DSCAML1: variants seen among roughly 807,000 people sequenced by gnomAD.
DSCAML1 encodes cell adhesion molecule DSCAML1.
A neutral mutation model predicts 200.5 loss-of-function variants in DSCAML1; 38 were observed. The ratio of observed to expected loss-of-function variants is 0.19; its 90% confidence interval spans 0.15 to 0.25. The LOEUF (loss-of-function observed/expected upper bound fraction) is 0.25, where lower values mean the gene tolerates loss of function less well. Among genes scored for constraint, DSCAML1 ranks in the 10% least tolerant of loss-of-function variants. The pLI is 1.00. For missense variants in DSCAML1, 2,223 were observed against 2,858.8 expected (o/e 0.78, Z 5.07); for synonymous variants, 1,215 against 1,165.0 (o/e 1.04, Z -0.87).
Position 117,767,597 on chromosome 11 carries a change from A to G in DSCAML1, c.511+9194T>C, listed in dbSNP as rs1227228454. ...CGAGGCTTCCTTTCTCACCAAAGCA[A>G]ACAACAAACAAACAACAGCCAAATT... is the stretch of plus-strand genomic sequence containing the variant. On this transcript the variant is annotated intron_variant, in intron 3 of 32. Transcript: ENST00000651296. Among the ~76,000 whole-genome samples, 11 of 152,184 alleles carry G rather than the reference A, an allele frequency of 7.2e-5. No individual in the cohort carries two copies. In the East Asian group the frequency reaches 2.1e-3, roughly 29 times the overall value.
intron 3 of DSCAML1, among the ~76,000 whole-genome samples, chr11:117,618,554 C>T (rs1391370126): frequency 6.6e-6 from 1 of 152,142 alleles, no homozygotes; most frequent in Non-Finnish European, 1.5e-5. Context: ...TCCAAGCCAG[C>T]TTCAGAAACC....
At chr11:117,512,777 A>ACACACACACACACACACACACACC (rs1290183115) in intron 8 of DSCAML1, among the ~76,000 whole-genome samples, 25 of 148,064 alleles carry the variant, frequency 1.7e-4, no homozygotes, top group African/African-American at 6.0e-4. Flanking sequence ...ACACACACAC[A>ACACACACACACACACACACACACC]CACACACACA....
chr11:117,653,027 G>A (rs2052664172), intron 3 of DSCAML1, among the ~76,000 whole-genome samples: 1 of 152,156 alleles, frequency 6.6e-6, no homozygotes, highest in South Asian at 2.1e-4. Flanking sequence ...GATGAACTAC[G>A]ATCCTGGCAT....
In DSCAML1 at chr11:117,582,890, G is replaced by A. The variant is rs139795570; in HGVS notation, c.512-50368C>T. Among the ~76,000 whole-genome samples, 624 of 152,326 alleles carry A rather than the reference G, an allele frequency of 4.1e-3. 1 individual carries two copies. Among genetic ancestry groups the A allele is most frequent in the African/African-American group, 0.014 (582 of 41,558 alleles). On this transcript the variant is annotated intron_variant, in intron 3 of 32. Transcript: ENST00000651296. ...GAATGATTTCAGTATTGATTTCCAA[G>A]AGGGAAAGAGGACAAAAGAATGCTA...
intron 3 of DSCAML1, among the ~76,000 whole-genome samples, chr11:117,714,138 A>G (rs1478248270): frequency 6.6e-6 from 1 of 152,202 alleles, no homozygotes; most frequent in Non-Finnish European, 1.5e-5. Flanking sequence ...GAGTTAATGC[A>G]TCTAAGTTGC....
At chr11:117,693,496 C>T (rs970947125) in intron 3 of DSCAML1, among the ~76,000 whole-genome samples, 1 of 152,008 alleles carries the variant, frequency 6.6e-6, no homozygotes, top group Non-Finnish European at 1.5e-5. Flanking sequence ...AGCCCTGCAC[C>T]CCCCCATTTG....
rs193110230 is a variant in DSCAML1, at chr11:117,768,961, A to G, written c.511+7830T>C. 5.9e-3 allele frequency among the ~76,000 whole-genome samples: 891 copies of G among 150,338 alleles called. 5 individuals are homozygous for G. The highest frequency in any genetic ancestry group is 0.017 in the African/African-American group (685 of 40,878). ...CGTGGTGGTGTGTGCCTGTAATCCC[A>G]GATAGTCAGGAGGCTGAGACAAGAG... On this transcript the variant is annotated intron_variant, in intron 3 of 32. Coordinates refer to ENST00000651296, the MANE Select transcript of DSCAML1 (RefSeq NM_020693.4).
At chr11:117,651,549 CA>C (rs1294743366) in intron 3 of DSCAML1, among the ~76,000 whole-genome samples, 301 of 139,296 alleles carry the variant, frequency 2.2e-3, no homozygotes, top group Middle Eastern at 3.6e-3. Context: ...ACTAAAAATA[CA>C]AAAAAAAAAA....
chr11:117,537,876 G>A (rs2050197606), intron 3 of DSCAML1, among the ~76,000 whole-genome samples: 1 of 152,216 alleles, frequency 6.6e-6, no homozygotes, highest in African/African-American at 2.4e-5. Context: ...GGCCCTGCCA[G>A]CACCTCCATT....
intron 3 of DSCAML1, among the ~76,000 whole-genome samples, chr11:117,623,511 T>C (rs1179406912): frequency 1.3e-5 from 2 of 152,312 alleles, no homozygotes; most frequent in East Asian, 3.9e-4. Flanking sequence ...CCACTGCTCC[T>C]GGCCTAACAT....
At chr11:117,797,008 C>T (rs2055592842) in intron 1 of DSCAML1, 26 bp downstream of exon 1, 2 of 1,404,884 alleles carry the variant, frequency 1.4e-6, no homozygotes, top group East Asian at 2.9e-5. Context: ...CCGCCTCCGC[C>T]GCCCAGCCGC....
chr11:117,689,333 G>A (rs7103164), intron 3 of DSCAML1, among the ~76,000 whole-genome samples: 4,168 of 152,262 alleles, frequency 0.027, 90 homozygotes, highest in African/African-American at 0.058. Context: ...AGCATCACCC[G>A]AGAGCTGGTC....
intron 21 of DSCAML1, among the ~76,000 whole-genome samples, chr11:117,442,042 G>A (rs61905270): frequency 1.6e-5 from 2 of 126,632 alleles, no homozygotes; most frequent in Non-Finnish European, 3.3e-5. Flanking sequence ...ATGTGTGTGT[G>A]TGTGTTAGTG....
At chr11:117,638,868 A>G (rs2052343520) in intron 3 of DSCAML1, among the ~76,000 whole-genome samples, 1 of 152,178 alleles carries the variant, frequency 6.6e-6, no homozygotes, top group Non-Finnish European at 1.5e-5. Context: ...GCGTGGATGT[A>G]TGTTTTCCTT....
intron 32 of DSCAML1, among the ~76,000 whole-genome samples, chr11:117,429,072 C>G (rs1235174818): frequency 6.6e-6 from 1 of 152,220 alleles, no homozygotes; most frequent in Non-Finnish European, 1.5e-5. Context: ...TGCTTTGCTA[C>G]AGTGGCTGGT....
intron 18 of DSCAML1, among the ~76,000 whole-genome samples, chr11:117,460,051 G>T (rs1404926331): frequency 2.0e-5 from 3 of 152,248 alleles, no homozygotes; most frequent in Non-Finnish European, 1.5e-5. Context: ...GGGCAGCGTG[G>T]TCAGGAGTCC....
At chr11:117,597,943 T>C (rs1180311932) in intron 3 of DSCAML1, among the ~76,000 whole-genome samples, 1 of 151,968 alleles carries the variant, frequency 6.6e-6, no homozygotes, top group African/African-American at 2.4e-5. Context: ...ACCAAAGACA[T>C]ATTCAGCCTG....
chr11:117,767,045 T>C (rs1296984907), intron 3 of DSCAML1, among the ~76,000 whole-genome samples: 1 of 152,130 alleles, frequency 6.6e-6, no homozygotes, highest in Non-Finnish European at 1.5e-5. Context: ...CCTTGTCTGT[T>C]AAACCTGTGT....
chr11:117,537,467 G>A (rs964011148), intron 3 of DSCAML1, among the ~76,000 whole-genome samples: 2 of 152,210 alleles, frequency 1.3e-5, no homozygotes, highest in African/African-American at 4.8e-5. Context: ...GGGGTGGCGG[G>A]GAAAGCCCAG....
Sources: allele counts gnomAD v4.1 joint callset (sites outside exome capture counted in the v4.1 genomes callset), GRCh38; gene constraint gnomAD v4.1.1; transcripts MANE v1.5; gene names NCBI Gene and HGNC (gene_info 2026-07-23, HGNC 2026-07-21).